Variants in TMEM182 observed in about 807,000 individuals in gnomAD.
TMEM182 encodes the protein transmembrane protein 182.
TMEM182 carries 20 observed loss-of-function variants against 26.8 expected under a neutral mutation model. The ratio of observed to expected loss-of-function variants is 0.75; its 90% CI spans 0.53 to 1.09. The LOEUF (loss-of-function observed/expected upper bound fraction) is 1.09. Among genes scored for constraint, TMEM182 ranks in the 50% least tolerant of loss-of-function variants. The probability of loss-of-function intolerance (pLI) is 0.00; values close to 1 mark genes in which losing one functional copy is unlikely to be tolerated. For synonymous variants in TMEM182, 109 were observed against 102.2 expected (o/e 1.07, Z -0.40); for missense variants, 277 against 275.5 (o/e 1.01, Z -0.04).
In TMEM182 at chr2:102,746,768, T is replaced by C. The variant is rs541615139; in HGVS notation, c.-83+9755T>C. ...CACACCCGGCTAATTTTTGTATTTT[T>C]AGTAGAGATGGGATTTCACCATGTT... On this transcript the variant is annotated intron_variant, in intron 1 of 5. Transcript: ENST00000409173. Among the ~76,000 whole-genome samples the C allele has an allele frequency of 1.1e-4, 16 of 152,208 alleles. No individual in the cohort carries two copies. In the South Asian group the frequency reaches 1.2e-3, roughly 12 times the overall value.
chr2:102,839,332 C>T (rs902586592), intron 3 of TMEM182, among the ~76,000 whole-genome samples: 17 of 151,632 alleles, frequency 1.1e-4, no homozygotes, highest in Admixed American at 2.0e-4. Context: ...CGCTGATTTC[C>T]GATTTCTTTG....
intron 1 of TMEM182, among the ~76,000 whole-genome samples, chr2:102,743,677 C>CA (rs1296232273): frequency 6.6e-6 from 1 of 152,024 alleles, no homozygotes; most frequent in East Asian, 1.9e-4. Context: ...GAGAGACTGT[C>CA]AGAGTGGATT....
In TMEM182 at chr2:102,762,683, T is replaced by A. The variant is rs1680262698; in HGVS notation, c.229T>A (p.Tyr77Asn). 11 of 1,610,488 alleles carry A rather than the reference T, an allele frequency of 6.8e-6. No individual in the cohort carries two copies. The East Asian group carries it at 2.5e-4, about 36-fold the overall frequency. Residue 77 changes from tyrosine (Y) to asparagine (N), a missense_variant, in exon 2 of 5, where the codon TAC becomes AAC. By Grantham distance (143) the Tyr-to-Asn change is moderately radical. Coordinates refer to ENST00000412401, the MANE Select transcript of TMEM182 (RefSeq NM_144632.5). ...TGACTCCAATATTTGGAAGTTCTGG[T>A]ACAGTAAGTACAATTTAGCTTTATT... Reference protein sequence around the residue: ...ENDSNIWKFWYTNQPPSKNCT... With the variant: ...ENDSNIWKFWNTNQPPSKNCT...
In TMEM182 at chr2:102,815,774, T is replaced by A; in HGVS notation, c.*806T>A. The A allele has an allele frequency of 1.1e-6, 1 of 931,098 alleles. No individual in the cohort carries two copies. Among genetic ancestry groups the A allele is most frequent in the Non-Finnish European group, 1.3e-6 (1 of 780,610 alleles). The allele number at this position is 931,098 out of a possible 1,614,324, so 57.7% of individuals were successfully genotyped here. On this transcript the variant is annotated 3_prime_UTR_variant, in exon 5 of 5. Coordinates refer to ENST00000412401, the MANE Select transcript of TMEM182 (RefSeq NM_144632.5). Reference sequence around the variant, plus strand: ...ATTTCCGCTTGGTCCATAATTCTATTTGATATTTTAAAATTCTCATTTAAA... The same window carrying A: ...ATTTCCGCTTGGTCCATAATTCTATATGATATTTTAAAATTCTCATTTAAA...
chr2:102,816,721 T>C lies in TMEM182; in HGVS notation c.*1753T>C. On this transcript the variant is annotated 3_prime_UTR_variant, in exon 5 of 5. Coordinates refer to ENST00000412401, the MANE Select transcript of TMEM182 (RefSeq NM_144632.5). ...TATGAGGTCTGTTGTGCATGTTGAC[T>C]GTGATATTAAGTTATGGCATGCCAT... The C allele has an allele frequency of 2.0e-6, 2 of 985,832 alleles. No homozygotes were observed. The highest frequency in any genetic ancestry group is 2.4e-6 in the Non-Finnish European group (2 of 829,914). 61.1% of individuals were successfully genotyped at this position (985,832 alleles called of 1,614,324 possible). A position where few individuals can be genotyped will look rare whatever the true frequency, so the allele number is the denominator to read the frequency against.
intron 4 of TMEM182, among the ~76,000 whole-genome samples, chr2:102,808,625 C>T (rs1682434700): frequency 6.6e-6 from 1 of 152,124 alleles, no homozygotes; most frequent in Admixed American, 6.5e-5. Flanking sequence ...TGAGTTAGAA[C>T]ATCACAAAAC....
At chr2:102,762,954 A>G (rs1189497017) in intron 2 of TMEM182, among the ~76,000 whole-genome samples, 3 of 152,200 alleles carry the variant, frequency 2.0e-5, no homozygotes, top group Non-Finnish European at 2.9e-5. Flanking sequence ...TGTTTAGAAT[A>G]CACTAACTCT....
downstream of TMEM182, among the ~76,000 whole-genome samples, chr2:102,820,666 A>G (rs779552216): frequency 2.0e-5 from 3 of 152,248 alleles, no homozygotes; most frequent in Non-Finnish European, 4.4e-5. Flanking sequence ...AAAACGCCTG[A>G]AAATGGAAAA....
At chr2:102,798,287 T>G (rs1171085194) in intron 4 of TMEM182, among the ~76,000 whole-genome samples, 1 of 152,164 alleles carries the variant, frequency 6.6e-6, no homozygotes, top group Admixed American at 6.5e-5. Flanking sequence ...AGGAGAACAC[T>G]GAGGCTTAGA....
intron 3 of TMEM182, among the ~76,000 whole-genome samples, chr2:102,775,844 A>T (rs571765924): frequency 1.6e-3 from 249 of 152,210 alleles, no homozygotes; most frequent in Non-Finnish European, 2.8e-3. Flanking sequence ...GATGTGAAGG[A>T]CCTCTTCAAG....
intron 3 of TMEM182, among the ~76,000 whole-genome samples, chr2:102,776,659 C>T (rs977239970): frequency 2.0e-4 from 30 of 152,052 alleles, no homozygotes; most frequent in African/African-American, 6.5e-4. Flanking sequence ...AAGTTTTCAC[C>T]TCTGGGGTAA....
chr2:102,810,667 C>A (rs901173589), intron 4 of TMEM182, among the ~76,000 whole-genome samples: 1 of 152,122 alleles, frequency 6.6e-6, no homozygotes, highest in Non-Finnish European at 1.5e-5. Flanking sequence ...GGTCACAAAT[C>A]TTCATGGATT....
intron 3 of TMEM182, among the ~76,000 whole-genome samples, chr2:102,828,280 G>A (rs1329478211): frequency 6.6e-6 from 1 of 152,124 alleles, no homozygotes; most frequent in Admixed American, 6.5e-5. Flanking sequence ...ACATGTAACC[G>A]AGTTAACCCC....
At chr2:102,759,263 T>C (rs746306530), upstream of TMEM182, among the ~76,000 whole-genome samples, 4 of 152,186 alleles carry the variant, frequency 2.6e-5, no homozygotes, top group Non-Finnish European at 5.9e-5. Flanking sequence ...AACAGATTGC[T>C]CCTTCTTTCC....
At chr2:102,780,746 T>C (rs1410448156) in intron 3 of TMEM182, among the ~76,000 whole-genome samples, 1 of 152,182 alleles carries the variant, frequency 6.6e-6, no homozygotes, top group Non-Finnish European at 1.5e-5. Flanking sequence ...GACACCTTGT[T>C]ACAAACTGTG....
intron 3 of TMEM182, among the ~76,000 whole-genome samples, chr2:102,833,884 T>C (rs752998797): frequency 6.6e-6 from 1 of 152,186 alleles, no homozygotes; most frequent in African/African-American, 2.4e-5. Flanking sequence ...TCCCAACGCA[T>C]TGCATCAGAG....
intron 4 of TMEM182, among the ~76,000 whole-genome samples, chr2:102,814,251 G>C (rs191160509): frequency 1.8e-4 from 27 of 152,182 alleles, no homozygotes; most frequent in African/African-American, 6.5e-4. Flanking sequence ...TATAACAAGA[G>C]TCAGAAAGAC....
intron 3 of TMEM182, among the ~76,000 whole-genome samples, chr2:102,772,035 C>T (rs1428075080): frequency 6.6e-6 from 1 of 152,224 alleles, no homozygotes. Flanking sequence ...AAATTATACT[C>T]ATACTGCTTA....
At chr2:102,821,255 G>C (rs569662635), downstream of TMEM182, among the ~76,000 whole-genome samples, 1 of 152,306 alleles carries the variant, frequency 6.6e-6, no homozygotes. Flanking sequence ...TACAGTGGTT[G>C]ATATAGTTTG....
Sources: allele counts gnomAD v4.1 joint callset (sites outside exome capture counted in the v4.1 genomes callset), GRCh38; gene constraint gnomAD v4.1.1; transcripts MANE v1.5; gene names NCBI Gene and HGNC (gene_info 2026-07-23, HGNC 2026-07-21).